KCNK10: variants seen among roughly 807,000 people sequenced by gnomAD.
The protein encoded by KCNK10 is potassium two pore domain channel subfamily K member 10.
KCNK10 carries 25 observed loss-of-function variants against 47.7 expected under a neutral mutation model. The ratio of observed to expected loss-of-function variants is 0.52; its 90% CI spans 0.38 to 0.73. The LOEUF is 0.73. Among genes scored for constraint, KCNK10 ranks in the 30% least tolerant of loss-of-function variants. The pLI is 0.00. For synonymous variants in KCNK10, 303 were observed against 285.6 expected (o/e 1.06, Z -0.61); for missense variants, 563 against 714.5 (o/e 0.79, Z 2.42).
chr14:88,192,156 G>A (rs565569151), intron 5 of KCNK10, 68 bp downstream of exon 5: 26 of 1,448,242 alleles, frequency 1.8e-5, no homozygotes, highest in Middle Eastern at 2.5e-4. Flanking sequence ...TATCGATTGC[G>A]AAAAGCACAG....
intron 1 of KCNK10, among the ~76,000 whole-genome samples, chr14:88,300,469 T>C (rs1888069684): frequency 1.3e-5 from 2 of 152,212 alleles, no homozygotes; most frequent in Admixed American, 1.3e-4. Context: ...AAGAGTAGGC[T>C]AAGCATATAC....
chr14:88,314,021 A>T (rs1022961064), intron 1 of KCNK10, among the ~76,000 whole-genome samples: 2 of 152,196 alleles, frequency 1.3e-5, no homozygotes, highest in Non-Finnish European at 2.9e-5. Context: ...GTCTCATTTG[A>T]TCATCTCAGC....
chr14:88,214,068 T>C (rs1367993183), intron 4 of KCNK10, among the ~76,000 whole-genome samples: 1 of 151,900 alleles, frequency 6.6e-6, no homozygotes, highest in African/African-American at 2.4e-5. Flanking sequence ...GCCTCCCAAG[T>C]AGCTGGGATT....
intron 5 of KCNK10, among the ~76,000 whole-genome samples, chr14:88,191,391 C>T (rs1255703827): frequency 1.3e-5 from 2 of 150,292 alleles, no homozygotes; most frequent in Non-Finnish European, 2.9e-5. Flanking sequence ...AAACTTGTGA[C>T]AGATGATAGA....
chr14:88,264,821 C>A (rs1202912508), intron 1 of KCNK10, among the ~76,000 whole-genome samples: 1 of 152,218 alleles, frequency 6.6e-6, no homozygotes, highest in Admixed American at 6.5e-5. Flanking sequence ...GCAACCTGGG[C>A]ATTATGTTCT....
At chr14:88,298,865 C>A (rs961958586) in intron 1 of KCNK10, among the ~76,000 whole-genome samples, 13 of 152,124 alleles carry the variant, frequency 8.5e-5, no homozygotes, top group Non-Finnish European at 1.8e-4. Context: ...CCAACATCAC[C>A]ACCAAACAAC....
intron 1 of KCNK10, among the ~76,000 whole-genome samples, chr14:88,295,318 C>T (rs1024729615): frequency 6.6e-6 from 1 of 152,226 alleles, no homozygotes; most frequent in African/African-American, 2.4e-5. Flanking sequence ...AGCTTGGGCT[C>T]TTTCTCATAA....
chr14:88,241,026 AG>A lies in KCNK10; in HGVS notation c.403-207del, dbSNP rs532587883. Among the ~76,000 whole-genome samples the A allele has an allele frequency of 4.1e-4, 63 of 152,286 alleles. No individual in the cohort carries two copies. In the Middle Eastern group the frequency reaches 0.01, roughly 25 times the overall value. Reference sequence around the variant, plus strand: ...GAAAATCAGAAAATTAGTGTTAAATAGGGGGGAAACGCTAGGGTATAGAATA... The same window carrying A: ...GAAAATCAGAAAATTAGTGTTAAATAGGGGGAAACGCTAGGGTATAGAATA... On this transcript the variant is annotated intron_variant, in intron 2 of 6. Coordinates refer to ENST00000319231, the MANE Select transcript of KCNK10 (RefSeq NM_138317.3).
intron 4 of KCNK10, among the ~76,000 whole-genome samples, chr14:88,210,418 C>T (rs1885416814): frequency 6.6e-6 from 1 of 152,218 alleles, no homozygotes; most frequent in South Asian, 2.1e-4. Flanking sequence ...AATTGTTTAT[C>T]AAGTTGACCT....
At chr14:88,233,231 G>A (rs867526878) in intron 3 of KCNK10, among the ~76,000 whole-genome samples, 22 of 152,298 alleles carry the variant, frequency 1.4e-4, no homozygotes, top group African/African-American at 4.6e-4. Flanking sequence ...CTCAAATGAT[G>A]TAAACAAGAC....
intron 1 of KCNK10, among the ~76,000 whole-genome samples, chr14:88,286,389 G>T (rs981172190): frequency 1.3e-5 from 2 of 152,098 alleles, no homozygotes; most frequent in Admixed American, 1.3e-4. Flanking sequence ...CATCTATATT[G>T]TGATAGAGGC....
At chr14:88,257,844 T>A (rs1455421533) in intron 2 of KCNK10, among the ~76,000 whole-genome samples, 1 of 152,216 alleles carries the variant, frequency 6.6e-6, no homozygotes, top group African/African-American at 2.4e-5. Context: ...TTGGCTTACA[T>A]GCCTCTTCCT....
intron 2 of KCNK10, among the ~76,000 whole-genome samples, chr14:88,245,976 A>G (rs944130391): frequency 1.3e-5 from 2 of 152,198 alleles, no homozygotes; most frequent in Middle Eastern, 3.2e-3. Context: ...TTACTCCCTG[A>G]ACGGCACAGT....
At chr14:88,311,072 G>C (rs964696126) in intron 1 of KCNK10, among the ~76,000 whole-genome samples, 6 of 152,060 alleles carry the variant, frequency 3.9e-5, no homozygotes, top group African/African-American at 1.4e-4. Context: ...GCAACCAGAA[G>C]TTTGGAATTG....
chr14:88,308,391 C>G (rs139991335), intron 1 of KCNK10, among the ~76,000 whole-genome samples: 5 of 152,206 alleles, frequency 3.3e-5, no homozygotes, highest in Non-Finnish European at 5.9e-5. Context: ...GACTGGCATC[C>G]GTGGTTCTCT....
intron 4 of KCNK10, among the ~76,000 whole-genome samples, chr14:88,219,774 C>T (rs975544407): frequency 1.3e-5 from 2 of 152,170 alleles, no homozygotes; most frequent in African/African-American, 4.8e-5. Context: ...GATTGCTGAG[C>T]TCCAGCCCCA....
chr14:88,262,321 T>C (rs1887133166), intron 2 of KCNK10, among the ~76,000 whole-genome samples: 1 of 152,204 alleles, frequency 6.6e-6, no homozygotes. Context: ...GCAGCCTTCC[T>C]CCTTCACGTC....
At chr14:88,294,425 A>G (rs1386962035) in intron 1 of KCNK10, among the ~76,000 whole-genome samples, 1 of 152,272 alleles carries the variant, frequency 6.6e-6, no homozygotes. Flanking sequence ...CAAGAAATGA[A>G]GAACTATGCA....
At chr14:88,204,503 C>T (rs1454928973) in intron 4 of KCNK10, among the ~76,000 whole-genome samples, 2 of 151,758 alleles carry the variant, frequency 1.3e-5, no homozygotes, top group Non-Finnish European at 2.9e-5. Flanking sequence ...CTCATGCTGC[C>T]TCCTCCTCCT....
Sources: gnomAD v4.1 joint callset for allele counts (sites outside exome capture counted in the v4.1 genomes callset) on GRCh38, gnomAD v4.1.1 for gene constraint, MANE v1.5 for transcripts, NCBI Gene and HGNC (gene_info 2026-07-23, HGNC 2026-07-21) for gene names.